PIK3C3: variants seen among roughly 807,000 people sequenced by gnomAD.
PIK3C3 encodes phosphatidylinositol 3-kinase catalytic subunit type 3.
In PIK3C3, 95 loss-of-function variants were observed where a neutral mutation model predicts 126.1. The observed-to-expected ratio is 0.75, with a 90% CI of 0.64 to 0.89. The LOEUF is 0.89. PIK3C3 is among the 40% of genes least tolerant of loss of function. The pLI is 0.00. For synonymous variants in PIK3C3, 374 were observed against 360.0 expected, an observed-to-expected ratio of 1.04 and a Z score of -0.44; for missense variants, 829 against 1,063.2, an observed-to-expected ratio of 0.78 and a Z score of 3.06.
intron 21 of PIK3C3, among the ~76,000 whole-genome samples, chr18:42,055,399 A>G (rs1985020146): frequency 6.6e-6 from 1 of 152,146 alleles, no homozygotes; most frequent in Non-Finnish European, 1.5e-5. Flanking sequence ...AGTATTGGGA[A>G]CAGAGAGTGG....
chr18:41,991,209 A>G (rs1434652738), intron 6 of PIK3C3, among the ~76,000 whole-genome samples: 1 of 152,136 alleles, frequency 6.6e-6, no homozygotes, highest in Admixed American at 6.6e-5. Context: ...AAATAATTAT[A>G]TATTTAAGTA....
chr18:41,993,782 G>T (rs1352629662), intron 7 of PIK3C3, among the ~76,000 whole-genome samples: 1 of 152,060 alleles, frequency 6.6e-6, no homozygotes, highest in Non-Finnish European at 1.5e-5. Flanking sequence ...AGGGAAGATT[G>T]CTGTAGCCCT....
intron 9 of PIK3C3, among the ~76,000 whole-genome samples, chr18:42,003,028 T>C (rs545018255): frequency 7.2e-4 from 109 of 152,290 alleles, no homozygotes; most frequent in African/African-American, 2.6e-3. Context: ...GGACCTGAGT[T>C]CTACATCTAG....
intron 24 of PIK3C3, among the ~76,000 whole-genome samples, chr18:42,078,222 A>C (rs1285632598): frequency 1.3e-5 from 2 of 151,384 alleles, no homozygotes; most frequent in Non-Finnish European, 3.0e-5. Flanking sequence ...CTAAAAATAC[A>C]AAAAATTAGC....
intron 12 of PIK3C3, 22 bp downstream of exon 12, chr18:42,015,588 C>T (rs200277750): frequency 1.3e-6 from 2 of 1,552,016 alleles, no homozygotes; most frequent in Admixed American, 3.3e-5. Flanking sequence ...GCTTTTCCAG[C>T]TTCCTATAGG....
intron 16 of PIK3C3, among the ~76,000 whole-genome samples, chr18:42,036,233 G>A (rs192251762): frequency 2.9e-4 from 44 of 152,104 alleles, no homozygotes; most frequent in African/African-American, 9.6e-4. Flanking sequence ...TTTTCCCCCA[G>A]CATTTTATAG....
intron 21 of PIK3C3, among the ~76,000 whole-genome samples, chr18:42,054,154 A>C (rs868124645): frequency 0.081 from 2,709 of 33,402 alleles, 190 homozygotes; most frequent in South Asian, 0.15. Flanking sequence ...ATATATATAT[A>C]TATATATATA....
chr18:42,000,472 G>A (rs770797732), intron 9 of PIK3C3, among the ~76,000 whole-genome samples: 4 of 152,132 alleles, frequency 2.6e-5, no homozygotes, highest in Non-Finnish European at 4.4e-5. Context: ...GAGGGCAAGG[G>A]ATGGAGAAGA....
intron 3 of PIK3C3, among the ~76,000 whole-genome samples, chr18:41,968,591 A>G (rs1173472099): frequency 6.6e-6 from 1 of 152,178 alleles, no homozygotes; most frequent in Non-Finnish European, 1.5e-5. Flanking sequence ...TTTAACAGAT[A>G]TGGTCTTTGA....
At chr18:42,053,317 C>T (rs1439096678) in intron 21 of PIK3C3, among the ~76,000 whole-genome samples, 1 of 151,986 alleles carries the variant, frequency 6.6e-6, no homozygotes, top group Non-Finnish European at 1.5e-5. Flanking sequence ...CTTTTTTTGG[C>T]CCATGCTTTG....
chr18:42,055,413 T>C (rs746664360), intron 21 of PIK3C3, among the ~76,000 whole-genome samples: 25 of 152,020 alleles, frequency 1.6e-4, no homozygotes, highest in African/African-American at 5.8e-4. Flanking sequence ...AGAGTGGGAG[T>C]ATAAATGTAG....
At chr18:42,051,210 T>C (rs1332948768) in intron 21 of PIK3C3, 1 of 152,266 alleles carries the variant, frequency 6.6e-6, no homozygotes, top group African/African-American at 2.4e-5. Flanking sequence ...GGAACCTTTG[T>C]CCATTGGGGT....
intron 21 of PIK3C3, among the ~76,000 whole-genome samples, chr18:42,053,307 CT>C (rs368585321): frequency 6.6e-6 from 1 of 152,018 alleles, no homozygotes; most frequent in Non-Finnish European, 1.5e-5. Context: ...TTTCCCAGAC[CT>C]TTTTTTGGCC....
intron 21 of PIK3C3, among the ~76,000 whole-genome samples, chr18:42,054,130 A>ATCTATATCTATATC (rs56211042): frequency 2.2e-4 from 2 of 8,934 alleles, no homozygotes; most frequent in South Asian, 7.0e-3. Context: ...CTAATGGTAT[A>ATCTATATCTATATC]TATATATATA....
rs1981566035 is a variant in PIK3C3 at position 41,987,792 on chromosome 18, T to C, written c.532-20T>C. The C allele has an allele frequency of 1.9e-6, 3 of 1,575,052 alleles. No individual in the cohort carries two copies. The highest frequency in any genetic ancestry group is 1.7e-5 in the Admixed American group (1 of 58,298). On this transcript the variant is annotated intron_variant, in intron 4 of 24. Transcript: ENST00000262039. ...TACTAGATGTATATTAAAATTTTCG[T>C]CATTGTATTTATTCTGCAGCTCACC...
chr18:42,079,708 G>A (rs867153606), intron 24 of PIK3C3, among the ~76,000 whole-genome samples: 106 of 151,908 alleles, frequency 7.0e-4, no homozygotes, highest in African/African-American at 1.3e-3. Context: ...ACGCATACAC[G>A]TGTACATATG....
intron 3 of PIK3C3, among the ~76,000 whole-genome samples, chr18:41,969,203 GT>G (rs929336759): frequency 6.6e-6 from 1 of 151,726 alleles, no homozygotes; most frequent in Non-Finnish European, 1.5e-5. Flanking sequence ...CACACTTCTA[GT>G]TTTTTTCTTT....
At chr18:41,956,693 C>T (rs1979795295) in intron 1 of PIK3C3, among the ~76,000 whole-genome samples, 2 of 152,060 alleles carry the variant, frequency 1.3e-5, no homozygotes, top group Admixed American at 1.3e-4. Context: ...GTCCCTTCCC[C>T]ATGCCAGCCT....
rs556677924 is a variant in PIK3C3, at chr18:42,081,748, A to T, written c.*611A>T. On this transcript the variant is annotated 3_prime_UTR_variant, in exon 25 of 25. Coordinates refer to ENST00000262039, the MANE Select transcript of PIK3C3 (RefSeq NM_002647.4). ...ACTCATTTTCTCTTACAAATAATTA[A>T]TTTTTTGTAAACTACAGTTAATAGT... 1.3e-5 allele frequency: 2 copies of T among 152,194 alleles called. No individual in the cohort carries two copies. Among genetic ancestry groups the T allele is most frequent in the African/African-American group, 2.4e-5 (1 of 41,448 alleles). 9.4% of individuals were successfully genotyped at this position (152,194 alleles called of 1,614,324 possible). A position where few individuals can be genotyped will look rare whatever the true frequency, so the allele number is the denominator to read the frequency against.
Sources: gnomAD v4.1 joint callset for allele counts (sites outside exome capture counted in the v4.1 genomes callset) on GRCh38, gnomAD v4.1.1 for gene constraint, MANE v1.5 for transcripts, NCBI Gene and HGNC (gene_info 2026-07-23, HGNC 2026-07-21) for gene names.